KCNAB1: variants seen among roughly 807,000 people sequenced by gnomAD.
The protein encoded by KCNAB1 is voltage-gated potassium channel subunit beta-1.
KCNAB1 carries 35 observed loss-of-function variants against 64.6 expected under a neutral mutation model. That is an observed-to-expected ratio of 0.54 (90% CI 0.41 to 0.72). The LOEUF is 0.72. Among genes scored for constraint, KCNAB1 ranks in the 30% least tolerant of loss-of-function variants. The pLI, the probability that KCNAB1 is intolerant of heterozygous loss-of-function variation, is 0.00. For synonymous variants in KCNAB1, 177 were observed against 183.8 expected (o/e 0.96, Z 0.30); for missense variants, 401 against 512.9 (o/e 0.78, Z 2.11).
intron 1 of KCNAB1, among the ~76,000 whole-genome samples, chr3:156,166,462 C>T (rs1711566505): frequency 6.6e-6 from 1 of 152,104 alleles, no homozygotes; most frequent in Non-Finnish European, 1.5e-5. Context: ...AATGAATGCG[C>T]AATCCCAAAA....
At chr3:156,145,390 C>T (rs1037963066) in intron 1 of KCNAB1, among the ~76,000 whole-genome samples, 1 of 152,162 alleles carries the variant, frequency 6.6e-6, no homozygotes, top group Admixed American at 6.5e-5. Context: ...CACTCGCTTA[C>T]TGCCCTTATT....
At chr3:156,484,289 T>G (rs1056360082) in intron 8 of KCNAB1, among the ~76,000 whole-genome samples, 2 of 152,108 alleles carry the variant, frequency 1.3e-5, no homozygotes, top group Non-Finnish European at 2.9e-5. Flanking sequence ...TCACAACAAG[T>G]CTGTGGACTT....
intron 7 of KCNAB1, among the ~76,000 whole-genome samples, chr3:156,469,051 C>A (rs140996111): frequency 6.6e-6 from 1 of 152,058 alleles, no homozygotes; most frequent in Non-Finnish European, 1.5e-5. Context: ...GTTTTTTGTT[C>A]TTTTCTTTTT....
At chr3:156,223,255 T>C (rs1715900194) in intron 1 of KCNAB1, among the ~76,000 whole-genome samples, 1 of 152,138 alleles carries the variant, frequency 6.6e-6, no homozygotes, top group Non-Finnish European at 1.5e-5. Flanking sequence ...AGCAGCAAGA[T>C]TTATTGCAAA....
intron 12 of KCNAB1, among the ~76,000 whole-genome samples, chr3:156,530,125 A>G (rs946391879): frequency 6.6e-6 from 1 of 152,218 alleles, no homozygotes; most frequent in Non-Finnish European, 1.5e-5. Flanking sequence ...GAGGAAGCCT[A>G]TTCTAGAATG....
chr3:156,217,232 G>C (rs1455897535), intron 1 of KCNAB1, among the ~76,000 whole-genome samples: 1 of 152,188 alleles, frequency 6.6e-6, no homozygotes, highest in African/African-American at 2.4e-5. Context: ...TTCCAGTTCT[G>C]ATGAATCTGT....
At chr3:156,529,807 C>A (rs572780273) in intron 12 of KCNAB1, among the ~76,000 whole-genome samples, 3 of 152,282 alleles carry the variant, frequency 2.0e-5, no homozygotes, top group South Asian at 2.1e-4. Flanking sequence ...CTGGTGATGC[C>A]CCCAAATGTG....
chr3:156,399,568 G>A (rs1161398218), intron 1 of KCNAB1, among the ~76,000 whole-genome samples: 3 of 152,094 alleles, frequency 2.0e-5, no homozygotes, highest in African/African-American at 7.2e-5. Flanking sequence ...TCAGAGGAAG[G>A]TCTGTGTGTC....
intron 11 of KCNAB1, 96 bp downstream of exon 11, chr3:156,516,460 C>T (rs1717573136): frequency 2.2e-6 from 2 of 893,392 alleles, no homozygotes; most frequent in South Asian, 2.8e-5. Context: ...CTTCCCAGCT[C>T]AGGCTGACTG....
chr3:156,372,767 G>A (rs56264609), intron 1 of KCNAB1, among the ~76,000 whole-genome samples: 2,525 of 152,342 alleles, frequency 0.017, 78 homozygotes, highest in African/African-American at 0.057. Flanking sequence ...ATTTGGTATA[G>A]CCAGAATATA....
intron 1 of KCNAB1, among the ~76,000 whole-genome samples, chr3:156,129,494 C>T (rs1401082675): frequency 6.6e-6 from 1 of 152,182 alleles, no homozygotes; most frequent in Non-Finnish European, 1.5e-5. Flanking sequence ...GATATATAAA[C>T]TGGGGACACA....
chr3:156,291,331 A>G, intron 1 of KCNAB1: 2 of 989,368 alleles, frequency 2.0e-6, no homozygotes, highest in Non-Finnish European at 2.4e-6. Context: ...TGACAGCCGG[A>G]GTGGATGGAG....
chr3:156,299,752 T>C (rs1721030969), intron 1 of KCNAB1, among the ~76,000 whole-genome samples: 1 of 152,154 alleles, frequency 6.6e-6, no homozygotes, highest in Admixed American at 6.5e-5. Context: ...TAGGGAGGAC[T>C]CTGAGAGCAT....
intron 1 of KCNAB1, among the ~76,000 whole-genome samples, chr3:156,415,034 T>C (rs1027451741): frequency 3.9e-5 from 6 of 152,212 alleles, no homozygotes; most frequent in African/African-American, 1.4e-4. Context: ...TTCTAGTGAC[T>C]CTAGCAAAAT....
intron 1 of KCNAB1, among the ~76,000 whole-genome samples, chr3:156,175,342 C>T (rs1037436012): frequency 6.6e-6 from 1 of 152,128 alleles, no homozygotes; most frequent in South Asian, 2.1e-4. Flanking sequence ...CCCTGAAGGC[C>T]GGGCACGGTG....
At chr3:156,309,503 G>A (rs939389349) in intron 1 of KCNAB1, among the ~76,000 whole-genome samples, 1 of 152,228 alleles carries the variant, frequency 6.6e-6, no homozygotes, top group African/African-American at 2.4e-5. Flanking sequence ...CACCATGATA[G>A]GGTTTCTGCA....
In KCNAB1 at chr3:156,286,847, A is replaced by T. The variant is rs75349252; in HGVS notation, c.276-134769A>T. ...CAGTGGGTAAGAACCAAGTCTCTGGAGGTAGGCTGCCTCAAGTTAAATTGT... is the reference window on the plus strand; with the variant it reads ...CAGTGGGTAAGAACCAAGTCTCTGGTGGTAGGCTGCCTCAAGTTAAATTGT... On this transcript the variant is annotated intron_variant, in intron 1 of 13. Coordinates refer to ENST00000490337, the MANE Select transcript of KCNAB1 (RefSeq NM_172160.3). Among the ~76,000 whole-genome samples the T allele has an allele frequency of 1.1e-3, 174 of 152,272 alleles. 2 individuals are homozygous for T. The South Asian group carries it at 0.014, about 12-fold the overall frequency.
intron 1 of KCNAB1, among the ~76,000 whole-genome samples, chr3:156,151,957 A>G (rs943182986): frequency 2.6e-5 from 4 of 152,170 alleles, no homozygotes. Flanking sequence ...GAAGGAGGTC[A>G]AAGGAAAGAC....
intron 2 of KCNAB1, among the ~76,000 whole-genome samples, chr3:156,440,971 T>C (rs148163901): frequency 6.6e-6 from 1 of 152,310 alleles, no homozygotes; most frequent in Admixed American, 6.5e-5. Context: ...AAAAAATTCT[T>C]AGTCAAAAAG....
Sources: allele counts gnomAD v4.1 joint callset (sites outside exome capture counted in the v4.1 genomes callset), GRCh38; gene constraint gnomAD v4.1.1; transcripts MANE v1.5; gene names NCBI Gene and HGNC (gene_info 2026-07-23, HGNC 2026-07-21).